TUSC3: variants seen among roughly 807,000 people sequenced by gnomAD.
TUSC3 encodes dolichyl-diphosphooligosaccharide--protein glycosyltransferase subunit TUSC3.
In TUSC3, 45 loss-of-function variants were observed where a neutral mutation model predicts 44.8. The ratio of observed to expected loss-of-function variants is 1.00; its 90% CI spans 0.79 to 1.29. The LOEUF is 1.29. Ranked by LOEUF, TUSC3 falls within the 50% of genes most tolerant of loss-of-function variation. The probability of loss-of-function intolerance (pLI) is 0.00; values close to 1 mark genes in which losing one functional copy is unlikely to be tolerated. For missense variants in TUSC3, 519 were observed against 437.9 expected (o/e 1.19, Z -1.65); for synonymous variants, 212 against 152.9 (o/e 1.39, Z -2.85).
At chr8:15,539,746 C>T (rs1801608978), upstream of TUSC3, among the ~76,000 whole-genome samples, 1 of 152,118 alleles carries the variant, frequency 6.6e-6, no homozygotes, top group Non-Finnish European at 1.5e-5. Flanking sequence ...TGTACTTATG[C>T]ACTCCATGGA....
At chr8:15,710,878 T>TAA (rs1013255926) in intron 6 of TUSC3, among the ~76,000 whole-genome samples, 2 of 147,570 alleles carry the variant, frequency 1.4e-5, no homozygotes, top group East Asian at 3.9e-4. Context: ...ATTATATATA[T>TAA]AATATAAAAT....
chr8:15,420,543 C>G (rs1169094169), intron 1 of TUSC3, among the ~76,000 whole-genome samples: 1 of 151,870 alleles, frequency 6.6e-6, no homozygotes, highest in Non-Finnish European at 1.5e-5. Flanking sequence ...CTGTATGAAA[C>G]AAAACTTGTG....
chr8:15,823,912 T>G, the TUSC3 span, among the ~76,000 whole-genome samples: 26,355 of 152,196 alleles, frequency 0.17, 2,430 homozygotes, highest in Admixed American at 0.28. Flanking sequence ...CGCTAACGGA[T>G]AGTATGATCT....
chr8:15,651,784 C>G (rs935514157), intron 3 of TUSC3, among the ~76,000 whole-genome samples: 13 of 152,060 alleles, frequency 8.5e-5, no homozygotes, highest in African/African-American at 2.9e-4. Flanking sequence ...GCTTATTTAC[C>G]CAGTATTCTC....
At chr8:15,835,894 T>C in the TUSC3 span, among the ~76,000 whole-genome samples, 1 of 152,166 alleles carries the variant, frequency 6.6e-6, no homozygotes, top group African/African-American at 2.4e-5. Context: ...TTTTTGCATA[T>C]TTCTTCTTCT....
At chr8:15,744,665 C>T (rs1316707306) in intron 8 of TUSC3, among the ~76,000 whole-genome samples, 1 of 151,442 alleles carries the variant, frequency 6.6e-6, no homozygotes, top group Admixed American at 6.6e-5. Context: ...CCCTCTTTTC[C>T]TATGGTATCA....
At chr8:15,708,253 G>T (rs545635270) in intron 6 of TUSC3, among the ~76,000 whole-genome samples, 24 of 152,056 alleles carry the variant, frequency 1.6e-4, no homozygotes, top group African/African-American at 5.8e-4. Flanking sequence ...AAATGTAGAG[G>T]AAATGGAATA....
At chr8:15,430,269 G>C (rs924303033) in intron 1 of TUSC3, among the ~76,000 whole-genome samples, 22 of 147,222 alleles carry the variant, frequency 1.5e-4, no homozygotes, top group Non-Finnish European at 7.5e-5. Flanking sequence ...ACATCAAAAA[G>C]CTTATCCACC....
intron 2 of TUSC3, among the ~76,000 whole-genome samples, chr8:15,633,730 G>T (rs1805929420): frequency 6.6e-6 from 1 of 152,188 alleles, no homozygotes; most frequent in South Asian, 2.1e-4. Context: ...AAGCTAGGAA[G>T]AGGCAAGGAA....
At chr8:15,776,957 G>C in the TUSC3 span, among the ~76,000 whole-genome samples, 1 of 152,060 alleles carries the variant, frequency 6.6e-6, no homozygotes, top group African/African-American at 2.4e-5. Context: ...TTTAACTTCT[G>C]TGTGTTGCTA....
chr8:15,463,229 A>T (rs1323269857), intron 1 of TUSC3, among the ~76,000 whole-genome samples: 1 of 152,144 alleles, frequency 6.6e-6, no homozygotes, highest in Non-Finnish European at 1.5e-5. Context: ...CAAATTACTT[A>T]GCATGAATTT....
chr8:15,552,956 A>G (rs1377518255), intron 1 of TUSC3, among the ~76,000 whole-genome samples: 1 of 151,662 alleles, frequency 6.6e-6, no homozygotes, highest in Non-Finnish European at 1.5e-5. Flanking sequence ...CTTGGATTCC[A>G]GAGTTGTTTA....
At chr8:15,471,656 C>T (rs1459488261) in intron 1 of TUSC3, among the ~76,000 whole-genome samples, 1 of 143,150 alleles carries the variant, frequency 7.0e-6, no homozygotes, top group Non-Finnish European at 1.5e-5. Flanking sequence ...TCGCTGTTTT[C>T]ACCCAGGCTG....
At chr8:15,633,693 A>G (rs1805924878) in intron 2 of TUSC3, among the ~76,000 whole-genome samples, 1 of 152,196 alleles carries the variant, frequency 6.6e-6, no homozygotes, top group African/African-American at 2.4e-5. Flanking sequence ...AAGCCAGGGA[A>G]TGTCAGGTAT....
chr8:15,518,877 G>T (rs1419371362), intron 2 of TUSC3, among the ~76,000 whole-genome samples: 3 of 152,078 alleles, frequency 2.0e-5, no homozygotes, highest in Admixed American at 2.0e-4. Context: ...AAATAAAAAT[G>T]GAATCAATCT....
chr8:15,851,771 T>A, the TUSC3 span, among the ~76,000 whole-genome samples: 16 of 152,220 alleles, frequency 1.1e-4, no homozygotes, highest in African/African-American at 3.6e-4. Context: ...GCTTCCTCAC[T>A]GCATGCTGAT....
intron 1 of TUSC3, among the ~76,000 whole-genome samples, chr8:15,599,952 T>C (rs1364727961): frequency 6.6e-6 from 1 of 151,682 alleles, no homozygotes; most frequent in Non-Finnish European, 1.5e-5. Flanking sequence ...TCCAATAGGT[T>C]TCTTGTCGAT....
At chr8:15,678,473 T>A (rs528043194) in intron 6 of TUSC3, among the ~76,000 whole-genome samples, 1 of 152,116 alleles carries the variant, frequency 6.6e-6, no homozygotes, top group Non-Finnish European at 1.5e-5. Flanking sequence ...TTTCGAGATA[T>A]GCCCTGGAAA....
chr8:15,448,892 A>G (rs1416900521), intron 1 of TUSC3, among the ~76,000 whole-genome samples: 2 of 152,218 alleles, frequency 1.3e-5, no homozygotes, highest in South Asian at 4.1e-4. Context: ...TCTATCACCT[A>G]GTGACGTAGC....
Sources: allele counts gnomAD v4.1 joint callset (sites outside exome capture counted in the v4.1 genomes callset), GRCh38; gene constraint gnomAD v4.1.1; transcripts MANE v1.5; gene names NCBI Gene and HGNC (gene_info 2026-07-23, HGNC 2026-07-21).